The following LRRC37A2 variants were observed in gnomAD, a reference collection of about 807,000 sequenced individuals.
LRRC37A2 encodes the protein leucine-rich repeat-containing protein 37A2.
In LRRC37A2, 9 loss-of-function variants were observed where a neutral mutation model predicts 68.8. That is an observed-to-expected ratio of 0.13 (90% CI 0.08 to 0.23). LRRC37A2 has a LOEUF of 0.23. Among genes scored for constraint, LRRC37A2 ranks in the 10% least tolerant of loss-of-function variants. The pLI is 1.00. For synonymous variants in LRRC37A2, 63 were observed against 367.6 expected (o/e 0.17, Z 9.48); for missense variants, 168 against 950.4 (o/e 0.18, Z 10.82).
At chr17:46,939,158 C>T in the LRRC37A2 span, 2 of 1,107,682 alleles carry the variant, frequency 1.8e-6, no homozygotes, top group Non-Finnish European at 2.2e-6. Context: ...TTTCTGGCTC[C>T]TGATAGGGTG....
At chr17:46,756,554 CAT>C in the LRRC37A2 span, 3 of 152,372 alleles carry the variant, frequency 2.0e-5, no homozygotes, top group Non-Finnish European at 2.9e-5. Flanking sequence ...TTGTTAAAAA[CAT>C]GTGAAAGATA....
the LRRC37A2 span, chr17:46,940,284 C>T: frequency 7.0e-6 from 10 of 1,436,876 alleles, no homozygotes; most frequent in Non-Finnish European, 8.2e-6. Context: ...GTTCCTACCC[C>T]TCCGGGCCAA....
the LRRC37A2 span, among the ~76,000 whole-genome samples, chr17:46,967,827 G>A: frequency 6.6e-6 from 1 of 152,112 alleles, no homozygotes; most frequent in Admixed American, 6.5e-5. Context: ...AGATAAAGAG[G>A]GGGGTAGGGG....
At chr17:46,993,709 C>T in the LRRC37A2 span, among the ~76,000 whole-genome samples, 4 of 152,212 alleles carry the variant, frequency 2.6e-5, no homozygotes, top group Non-Finnish European at 4.4e-5. Flanking sequence ...GTTCCATCTG[C>T]GTAGAGAAAG....
At chr17:46,732,859 T>C in the LRRC37A2 span, among the ~76,000 whole-genome samples, 1 of 152,212 alleles carries the variant, frequency 6.6e-6, no homozygotes, top group African/African-American at 2.4e-5. Flanking sequence ...AAAAAAGGGC[T>C]TCTCTGAGAA....
chr17:47,026,453 C>T, the LRRC37A2 span, among the ~76,000 whole-genome samples: 1 of 152,162 alleles, frequency 6.6e-6, no homozygotes, highest in Non-Finnish European at 1.5e-5. Flanking sequence ...CTGGACTCCA[C>T]CCTCGTAGTT....
chr17:46,831,216 T>A, the LRRC37A2 span, among the ~76,000 whole-genome samples: 2 of 152,110 alleles, frequency 1.3e-5, no homozygotes, highest in Non-Finnish European at 2.9e-5. Flanking sequence ...CCATACAGTC[T>A]GTGTGGTCAG....
chr17:47,003,684 A>G, the LRRC37A2 span, among the ~76,000 whole-genome samples: 4 of 151,368 alleles, frequency 2.6e-5, no homozygotes, highest in Non-Finnish European at 4.4e-5. Flanking sequence ...TCTCCCATCC[A>G]GCCATGACCC....
the LRRC37A2 span, among the ~76,000 whole-genome samples, chr17:46,895,734 G>A: frequency 1.3e-5 from 2 of 152,188 alleles, no homozygotes; most frequent in Admixed American, 1.3e-4. Context: ...TTGCAGAGAA[G>A]CAGCTTCCCC....
chr17:46,805,698 C>A, the LRRC37A2 span, among the ~76,000 whole-genome samples: 1 of 152,228 alleles, frequency 6.6e-6, no homozygotes, highest in East Asian at 1.9e-4. Context: ...CTACAGTGGG[C>A]TGTGATTGTA....
the LRRC37A2 span, among the ~76,000 whole-genome samples, chr17:46,870,137 C>T: frequency 6.6e-6 from 1 of 152,164 alleles, no homozygotes; most frequent in Non-Finnish European, 1.5e-5. Flanking sequence ...CCAAAATTTC[C>T]ATCACTCCCT....
chr17:46,568,436 C>A, the LRRC37A2 span, among the ~76,000 whole-genome samples: 2 of 120,280 alleles, frequency 1.7e-5, no homozygotes, highest in African/African-American at 6.8e-5. Context: ...GATAGCCAAG[C>A]AAGTTAGATG....
the LRRC37A2 span, chr17:46,940,387 T>C: frequency 6.5e-7 from 1 of 1,542,038 alleles, no homozygotes; most frequent in Non-Finnish European, 8.7e-7. Context: ...GAGGGTGGAC[T>C]GGGGGGTTGC....
At chr17:46,823,703 G>A in the LRRC37A2 span, among the ~76,000 whole-genome samples, 1 of 152,126 alleles carries the variant, frequency 6.6e-6, no homozygotes, top group Non-Finnish European at 1.5e-5. Context: ...GTCTCCCAAA[G>A]TGCTGGGATT....
chr17:46,942,785 AG>A, the LRRC37A2 span, among the ~76,000 whole-genome samples: 1 of 152,230 alleles, frequency 6.6e-6, no homozygotes, highest in South Asian at 2.1e-4. Flanking sequence ...AAGCTGAGAA[AG>A]GAAAGTGTCA....
chr17:46,802,067 T>C, the LRRC37A2 span, among the ~76,000 whole-genome samples: 4 of 152,196 alleles, frequency 2.6e-5, no homozygotes, highest in African/African-American at 9.7e-5. Flanking sequence ...TGTACGCATG[T>C]TTGTGATATT....
the LRRC37A2 span, among the ~76,000 whole-genome samples, chr17:46,495,541 C>A: frequency 6.8e-6 from 1 of 147,254 alleles, no homozygotes; most frequent in Admixed American, 6.7e-5. Flanking sequence ...CCCACCACCA[C>A]GCCCAGCTAA....
At chr17:46,818,042 G>C in the LRRC37A2 span, among the ~76,000 whole-genome samples, 1 of 152,090 alleles carries the variant, frequency 6.6e-6, no homozygotes, top group Non-Finnish European at 1.5e-5. Flanking sequence ...GAAGGCAAAG[G>C]GGGGTTATTA....
chr17:46,849,085 G>A, the LRRC37A2 span, among the ~76,000 whole-genome samples: 1 of 152,196 alleles, frequency 6.6e-6, no homozygotes, highest in Non-Finnish European at 1.5e-5. Flanking sequence ...CAAGCTGGAA[G>A]GCACCCCAGC....
Sources: allele counts gnomAD v4.1 joint callset (sites outside exome capture counted in the v4.1 genomes callset), GRCh38; gene constraint gnomAD v4.1.1; transcripts MANE v1.5; gene names NCBI Gene and HGNC (gene_info 2026-07-23, HGNC 2026-07-21).